Variants in PELI2 observed in about 807,000 individuals in gnomAD.
The protein encoded by PELI2 is pellino E3 ubiquitin protein ligase family member 2.
PELI2 carries 23 observed loss-of-function variants against 42.3 expected under a neutral mutation model. That is an observed-to-expected ratio of 0.54 (90% CI 0.39 to 0.77). The LOEUF is 0.77. Among genes scored for constraint, PELI2 ranks in the 30% least tolerant of loss-of-function variants. PELI2 has a pLI of 0.00. For missense variants in PELI2, 463 were observed against 553.2 expected (o/e 0.84, Z 1.64); for synonymous variants, 245 against 212.2 (o/e 1.15, Z -1.34).
chr14:56,143,512 G>A (rs1463110534), intron 1 of PELI2, among the ~76,000 whole-genome samples: 1 of 152,160 alleles, frequency 6.6e-6, no homozygotes, highest in Non-Finnish European at 1.5e-5. Context: ...AGTTATTTCT[G>A]TGATGTTTGC....
At chr14:56,190,493 T>A (rs1031998822) in intron 2 of PELI2, among the ~76,000 whole-genome samples, 5 of 152,266 alleles carry the variant, frequency 3.3e-5, no homozygotes, top group Non-Finnish European at 7.4e-5. Flanking sequence ...TAACAGGACA[T>A]TATCAATACC....
chr14:56,271,792 G>A (rs533866076), intron 2 of PELI2, among the ~76,000 whole-genome samples: 2 of 152,240 alleles, frequency 1.3e-5, no homozygotes, highest in South Asian at 4.1e-4. Context: ...GCTCCCATCG[G>A]GCAGGCTGTT....
intron 1 of PELI2, among the ~76,000 whole-genome samples, chr14:56,172,550 G>C (rs1288855442): frequency 6.6e-6 from 1 of 152,220 alleles, no homozygotes; most frequent in Non-Finnish European, 1.5e-5. Flanking sequence ...AGACTCTTAA[G>C]GAGGGGAGGT....
Position 56,290,372 on chromosome 14 carries a change from G to C in PELI2, c.612G>C (p.Gln204His), listed in dbSNP as rs1249081408. ...GAGGGGGCTTCACCGAGGAGTCCCA[G>C]CCCGGGGTCTGGCGCGAGATCTCTG... is the stretch of plus-strand genomic sequence containing the variant. The part of the protein sequence containing the change: ...HPRGGFTEES[Q>H]PGVWREISVC... Residue 204 changes from glutamine (Q) to histidine (H), a missense_variant, in exon 5 of 6, where the codon CAG (glutamine) becomes CAC (histidine). By Grantham distance (24) the Gln-to-His change is conservative (BLOSUM62 0). Coordinates refer to ENST00000267460, the MANE Select transcript of PELI2 (RefSeq NM_021255.3). 2 of 1,613,812 alleles carry C rather than the reference G, an allele frequency of 1.2e-6. No individual in the cohort carries two copies. Among genetic ancestry groups the C allele is most frequent in the East Asian group, 2.2e-5 (1 of 44,882 alleles).
intron 1 of PELI2, among the ~76,000 whole-genome samples, chr14:56,150,616 G>C (rs1240761726): frequency 6.6e-6 from 1 of 152,146 alleles, no homozygotes; most frequent in Non-Finnish European, 1.5e-5. Flanking sequence ...ATAGTACTTG[G>C]AAAATATCTT....
intron 2 of PELI2, among the ~76,000 whole-genome samples, chr14:56,241,714 A>G (rs755082659): frequency 6.6e-6 from 1 of 152,130 alleles, no homozygotes; most frequent in Non-Finnish European, 1.5e-5. Context: ...GAGAGGGGAA[A>G]ATGAGGTTTG....
intron 1 of PELI2, among the ~76,000 whole-genome samples, chr14:56,119,498 G>A (rs932934970): frequency 1.3e-5 from 2 of 152,214 alleles, no homozygotes; most frequent in African/African-American, 4.8e-5. Flanking sequence ...CGGGGAGCTC[G>A]CCAGCCTCGC....
At chr14:56,277,152 A>G (rs1456535826) in intron 2 of PELI2, among the ~76,000 whole-genome samples, 1 of 152,000 alleles carries the variant, frequency 6.6e-6, no homozygotes, top group African/African-American at 2.4e-5. Flanking sequence ...GAAATCTCCA[A>G]ACCCCAAGGT....
chr14:56,297,063 C>G lies in PELI2; in HGVS notation c.1160C>G (p.Pro387Arg). 1 of 1,612,942 alleles carries G rather than the reference C, an allele frequency of 6.2e-7. No homozygotes were observed. The highest frequency in any genetic ancestry group is 8.5e-7 in the Non-Finnish European group (1 of 1,179,950). ...AAATACTGGTCTCAGATCCCGTTGCCTCATGGAACTCATGCATTTCACGCT... is the reference window on the plus strand; with the variant it reads ...AAATACTGGTCTCAGATCCCGTTGCGTCATGGAACTCATGCATTTCACGCT... ...SAKYWSQIPL[P>R]HGTHAFHAAC... Residue 387 changes from proline (P) to arginine (R), a missense_variant, in exon 6 of 6, where the codon CCT becomes CGT. Pro to Arg is a moderately radical substitution (Grantham distance 103). This residue lies in a region of PELI2 where 103 missense variants were observed against 129.6 expected (regional missense o/e 0.80). Transcript: ENST00000267460.
At chr14:56,213,832 C>T (rs1179905710) in intron 2 of PELI2, among the ~76,000 whole-genome samples, 1 of 152,112 alleles carries the variant, frequency 6.6e-6, no homozygotes, top group Admixed American at 6.5e-5. Context: ...GTGCCTTGCA[C>T]AGTGGTTTTA....
intron 2 of PELI2, among the ~76,000 whole-genome samples, chr14:56,210,424 G>A (rs1222873278): frequency 6.6e-6 from 1 of 151,922 alleles, no homozygotes; most frequent in East Asian, 1.9e-4. Context: ...CTTTTAGAAT[G>A]ATTTTGGTTT....
chr14:56,248,501 G>C (rs1367623197), intron 2 of PELI2, among the ~76,000 whole-genome samples: 1 of 152,088 alleles, frequency 6.6e-6, no homozygotes, highest in Non-Finnish European at 1.5e-5. Flanking sequence ...GTTCTGCTGA[G>C]GGTGACTGTG....
chr14:56,241,736 C>T (rs997051977), intron 2 of PELI2, among the ~76,000 whole-genome samples: 16 of 152,130 alleles, frequency 1.1e-4, no homozygotes, highest in African/African-American at 3.6e-4. Context: ...TTTAAACGAT[C>T]GGGAATCAAA....
intron 2 of PELI2, among the ~76,000 whole-genome samples, chr14:56,248,459 CA>C (rs1393884005): frequency 2.0e-5 from 3 of 151,920 alleles, no homozygotes; most frequent in African/African-American, 7.3e-5. Flanking sequence ...TCAGGAGAGT[CA>C]GGGAAAGCTT....
At chr14:56,254,183 G>A (rs944297062) in intron 2 of PELI2, among the ~76,000 whole-genome samples, 30 of 152,100 alleles carry the variant, frequency 2.0e-4, no homozygotes, top group African/African-American at 6.8e-4. Flanking sequence ...GGCAGATCAC[G>A]AGGTCAAGAG....
At chr14:56,293,259 A>C (rs1032638918) in intron 5 of PELI2, among the ~76,000 whole-genome samples, 1 of 152,152 alleles carries the variant, frequency 6.6e-6, no homozygotes, top group Non-Finnish European at 1.5e-5. Context: ...GTAGAGGCCA[A>C]ATGTCTCTTG....
At position 56,141,631 on chromosome 14, in the gene PELI2, C is replaced by T. The variant is rs577668924; in HGVS notation, c.77+22894C>T. Among the ~76,000 whole-genome samples the T allele has an allele frequency of 5.3e-5, 8 of 152,246 alleles. No homozygotes were observed. In the South Asian group the frequency reaches 1.0e-3, roughly 20 times the overall value. ...ATACTTACAATCATGGCAGAAGGCACCTCTTCACAGGTCAGCGGGAGAGAG... is the reference window on the plus strand; with the variant it reads ...ATACTTACAATCATGGCAGAAGGCATCTCTTCACAGGTCAGCGGGAGAGAG... On this transcript the variant is annotated intron_variant, in intron 1 of 5. Transcript: ENST00000267460.
At chr14:56,295,271 T>A (rs1452703677) in intron 5 of PELI2, among the ~76,000 whole-genome samples, 1 of 152,106 alleles carries the variant, frequency 6.6e-6, no homozygotes, top group Non-Finnish European at 1.5e-5. Flanking sequence ...TCAGTTCTTT[T>A]ATAGTTACCT....
In PELI2 at chr14:56,283,002, C is replaced by T. The variant is rs111496648; in HGVS notation, c.309+3225C>T. Among the ~76,000 whole-genome samples the T allele has an allele frequency of 1.2e-4, 18 of 152,288 alleles. 1 individual carries two copies. The highest frequency in any genetic ancestry group is 3.8e-4 in the African/African-American group (16 of 41,574). ...CTTTTTTACCACTTAAATTCAAAAACTACTGTGATGGTACCTGTTATAGGT... is the reference window on the plus strand; with the variant it reads ...CTTTTTTACCACTTAAATTCAAAAATTACTGTGATGGTACCTGTTATAGGT... On this transcript the variant is annotated intron_variant, in intron 3 of 5. Coordinates refer to ENST00000267460, the MANE Select transcript of PELI2 (RefSeq NM_021255.3).
Sources: allele counts gnomAD v4.1 joint callset (sites outside exome capture counted in the v4.1 genomes callset), GRCh38; gene constraint gnomAD v4.1.1; regional missense constraint gnomAD v4.1.1; transcripts MANE v1.5; gene names NCBI Gene and HGNC (gene_info 2026-07-23, HGNC 2026-07-21).